RALA: variants seen among roughly 807,000 people sequenced by gnomAD.
RALA encodes the protein RAS like proto-oncogene A, also known as ras-related protein Ral-A.
Under a neutral mutation model 24.0 loss-of-function variants are expected in RALA, and 5 were observed. The ratio of observed to expected loss-of-function variants is 0.21; its 90% CI spans 0.11 to 0.44. RALA has a LOEUF of 0.44. RALA is among the 20% of genes least tolerant of loss of function. The pLI is 0.99. For missense variants in RALA, 95 were observed against 241.2 expected (o/e 0.39, Z 4.01); for synonymous variants, 77 against 83.8 (o/e 0.92, Z 0.44).
At chr7:39,688,764 G>A (rs1384224623) in intron 2 of RALA, among the ~76,000 whole-genome samples, 2 of 151,946 alleles carry the variant, frequency 1.3e-5, no homozygotes, top group Non-Finnish European at 2.9e-5. Flanking sequence ...TTGTAGCGAC[G>A]GGGTGTATCC....
At chr7:39,676,076 C>T (rs529375371) in intron 1 of RALA, among the ~76,000 whole-genome samples, 2 of 152,140 alleles carry the variant, frequency 1.3e-5, no homozygotes, top group Non-Finnish European at 2.9e-5. Flanking sequence ...CCTGGGTTCA[C>T]GCCATTCTCC....
intron 1 of RALA, 100 bp from the exon 2 acceptor site, chr7:39,686,531 T>G (rs1422037442): frequency 1.6e-6 from 1 of 637,098 alleles, no homozygotes; most frequent in East Asian, 2.7e-5. Context: ...CACTACAGAT[T>G]GAAAACTAGT....
chr7:39,660,293 C>T (rs893457314), intron 1 of RALA, among the ~76,000 whole-genome samples: 2 of 151,556 alleles, frequency 1.3e-5, no homozygotes, highest in Non-Finnish European at 2.9e-5. Context: ...TTGCAGTGAG[C>T]CAAGATCACA....
chr7:39,648,756 A>G (rs530702187), intron 1 of RALA, among the ~76,000 whole-genome samples: 9 of 152,304 alleles, frequency 5.9e-5, no homozygotes, highest in African/African-American at 1.7e-4. Context: ...CTGTGAAAGA[A>G]GAGTTAAGAA....
chr7:39,699,387 G>A lies in RALA; in HGVS notation c.498+2528G>A, dbSNP rs563951309. Among the ~76,000 whole-genome samples, 160 of 151,942 alleles carry A rather than the reference G, an allele frequency of 1.1e-3. 1 individual carries two copies. Among genetic ancestry groups the A allele is most frequent in the African/African-American group, 3.7e-3 (153 of 41,404 alleles). ...GATCTCCTGACCTCATGATCCACCCGCCTCGGCCTCCCAAAGTGCTGGGAT... is the reference window on the plus strand; with the variant it reads ...GATCTCCTGACCTCATGATCCACCCACCTCGGCCTCCCAAAGTGCTGGGAT... On this transcript the variant is annotated intron_variant, in intron 4 of 4. Transcript: ENST00000005257.
intron 1 of RALA, among the ~76,000 whole-genome samples, chr7:39,647,828 A>G (rs945359038): frequency 1.3e-5 from 2 of 152,168 alleles, no homozygotes; most frequent in Non-Finnish European, 2.9e-5. Flanking sequence ...TTGATCTTGG[A>G]CTTCCCAGAC....
intron 1 of RALA, among the ~76,000 whole-genome samples, chr7:39,626,560 A>G (rs1791491735): frequency 6.6e-6 from 1 of 152,202 alleles, no homozygotes; most frequent in South Asian, 2.1e-4. Context: ...GGCCTCAAGC[A>G]GCAGCCATTC....
At chr7:39,632,351 G>A (rs1791611844) in intron 1 of RALA, among the ~76,000 whole-genome samples, 2 of 152,012 alleles carry the variant, frequency 1.3e-5, no homozygotes, top group African/African-American at 4.8e-5. Flanking sequence ...AATATCTCCA[G>A]AACAAGATTA....
At chr7:39,631,216 C>G (rs1483124130) in intron 1 of RALA, among the ~76,000 whole-genome samples, 2 of 151,568 alleles carry the variant, frequency 1.3e-5, no homozygotes, top group African/African-American at 4.9e-5. Context: ...CCATATTGGC[C>G]AGGCTGGTCT....
At chr7:39,689,984 A>G (rs1792787536) in intron 2 of RALA, among the ~76,000 whole-genome samples, 1 of 152,228 alleles carries the variant, frequency 6.6e-6, no homozygotes, top group Non-Finnish European at 1.5e-5. Flanking sequence ...ATTTAATGAT[A>G]CTTTCAGTGC....
chr7:39,703,433 G>A (rs1490946223), intron 4 of RALA: 1 of 152,070 alleles, frequency 6.6e-6, no homozygotes, highest in African/African-American at 2.4e-5. Context: ...CCCTTTAACC[G>A]TTTATGCTCC....
At chr7:39,652,359 A>G (rs1327075054) in intron 1 of RALA, among the ~76,000 whole-genome samples, 1 of 152,202 alleles carries the variant, frequency 6.6e-6, no homozygotes, top group African/African-American at 2.4e-5. Context: ...CCCCATATCA[A>G]TTCTTACTAA....
intron 1 of RALA, among the ~76,000 whole-genome samples, chr7:39,635,152 T>C (rs1791666825): frequency 1.3e-5 from 2 of 152,090 alleles, no homozygotes; most frequent in African/African-American, 4.8e-5. Flanking sequence ...GAGTTCAACA[T>C]GGCAAAACCC....
intron 1 of RALA, among the ~76,000 whole-genome samples, chr7:39,667,368 C>T (rs1054941931): frequency 6.6e-6 from 1 of 152,198 alleles, no homozygotes; most frequent in Non-Finnish European, 1.5e-5. Context: ...AAAGAATTTA[C>T]AGACAGAAAT....
chr7:39,631,673 A>G (rs149833081), intron 1 of RALA, among the ~76,000 whole-genome samples: 3 of 152,232 alleles, frequency 2.0e-5, no homozygotes, highest in Non-Finnish European at 4.4e-5. Context: ...TTCCTAAGCT[A>G]TTTTATCTTT....
rs140573093 is a variant in RALA, at chr7:39,687,118, G to A, written c.114+337G>A. Among the ~76,000 whole-genome samples the A allele has an allele frequency of 5.9e-3, 904 of 152,170 alleles. 6 individuals carry two copies. The highest frequency in any genetic ancestry group is 0.011 in the Admixed American group (163 of 15,280). The stretch of plus-strand genomic sequence containing the variant: ...TGTATAATACTTAAGAGAGACTTGA[G>A]GTTAACATATATAAAATATCTTTTA... On this transcript the variant is annotated intron_variant, in intron 2 of 4. Transcript: ENST00000005257.
chr7:39,705,854 G>T (rs188129599), intron 4 of RALA, among the ~76,000 whole-genome samples: 1 of 151,684 alleles, frequency 6.6e-6, no homozygotes, highest in African/African-American at 2.4e-5. Flanking sequence ...TTAGACTTTT[G>T]TCTCGAAAAC....
chr7:39,639,060 A>C (rs1206350692), intron 1 of RALA, among the ~76,000 whole-genome samples: 1 of 152,200 alleles, frequency 6.6e-6, no homozygotes, highest in Non-Finnish European at 1.5e-5. Context: ...ACTTAATGTC[A>C]TAGGTAGGTT....
At chr7:39,687,020 TAG>T (rs1480965941) in intron 2 of RALA, among the ~76,000 whole-genome samples, 1 of 152,224 alleles carries the variant, frequency 6.6e-6, no homozygotes, top group East Asian at 1.9e-4. Flanking sequence ...CGCCTTTTTT[TAG>T]TAATCTAACT....
Sources: gnomAD v4.1 joint callset for allele counts (sites outside exome capture counted in the v4.1 genomes callset) on GRCh38, gnomAD v4.1.1 for gene constraint, MANE v1.5 for transcripts, NCBI Gene and HGNC (gene_info 2026-07-23, HGNC 2026-07-21) for gene names.